Variants in NCS1 observed in about 807,000 individuals in gnomAD.
The protein encoded by NCS1 is frequenin homolog.
A neutral mutation model predicts 28.4 loss-of-function variants in NCS1; 6 were observed. That is an observed-to-expected ratio of 0.21 (90% confidence interval 0.12 to 0.42). The LOEUF is 0.42. Ranked by LOEUF, NCS1 falls within the 10% of genes least tolerant of loss-of-function variation. NCS1 has a pLI of 1.00. For synonymous variants in NCS1, 86 were observed against 99.3 expected (o/e 0.87, Z 0.79); for missense variants, 131 against 241.4 (o/e 0.54, Z 3.03).
At position 130,192,540 on chromosome 9, in the gene NCS1, T is replaced by C. The variant is rs1477683415; in HGVS notation, c.65-8418T>C. On this transcript the variant is annotated intron_variant, in intron 1 of 7. Coordinates refer to ENST00000372398, the MANE Select transcript of NCS1 (RefSeq NM_014286.4). The surrounding 1 kb of genome is among the most constrained non-coding windows in gnomAD (Gnocchi z 4.8). ...GCGTGGGAGCTGGGGGGCCTGGAGG[T>C]CTCAGGAGTTGACCTCTTTCGTGGG... Among the ~76,000 whole-genome samples, 3 of 151,702 alleles carry C rather than the reference T, an allele frequency of 2.0e-5. No homozygotes were observed. Among genetic ancestry groups the C allele is most frequent in the African/African-American group, 7.3e-5 (3 of 41,258 alleles).
rs1564701891 is a variant in NCS1 at position 130,180,042 on chromosome 9, TC to T, written c.64+7316del. Among the ~76,000 whole-genome samples the T allele has an allele frequency of 5.9e-5, 7 of 118,432 alleles. No individual in the cohort carries two copies. The highest frequency in any genetic ancestry group is 8.7e-5 in the Admixed American group (1 of 11,462). The allele number at this position is 118,432 out of a possible 152,430, so 77.7% of individuals were successfully genotyped here. A position where few individuals can be genotyped will look rare whatever the true frequency, so the allele number is the denominator to read the frequency against. On this transcript the variant is annotated intron_variant, in intron 1 of 7. Transcript: ENST00000372398. This position sits in a 1 kb window ranked among gnomAD's most constrained non-coding sequence, Gnocchi z 4.5. ...ATCTATCTATCTATCTATCTATCTA[TC>T]TATCTATCGAGATGGAATCTCACTT... is the stretch of plus-strand genomic sequence containing the variant.
Position 130,181,719 on chromosome 9 carries a change from C to T in NCS1, c.64+8992C>T, listed in dbSNP as rs191610008. 1.4e-3 allele frequency among the ~76,000 whole-genome samples: 206 copies of T among 152,184 alleles called. 1 individual carries two copies. Among genetic ancestry groups the T allele is most frequent in the Non-Finnish European group, 1.2e-3 (79 of 67,980 alleles). ...ATGGAGGTGTGCAGGTGAGCGTGAGCGGGCCCGGGTGCCTGGTGTGGGTGT... is the reference window on the plus strand; with the variant it reads ...ATGGAGGTGTGCAGGTGAGCGTGAGTGGGCCCGGGTGCCTGGTGTGGGTGT... On this transcript the variant is annotated intron_variant, in intron 1 of 7. Coordinates refer to ENST00000372398, the MANE Select transcript of NCS1 (RefSeq NM_014286.4). The surrounding 1 kb of genome is among the most constrained non-coding windows in gnomAD (Gnocchi z 5.0).
At chr9:130,218,003 T>A (rs1370179015) in intron 3 of NCS1, 33 bp downstream of exon 3, 11 of 1,613,602 alleles carry the variant, frequency 6.8e-6, no homozygotes, top group Non-Finnish European at 9.3e-6. Flanking sequence ...CTGCGGCAGC[T>A]GGCTCAGCTC....
In NCS1 at chr9:130,200,506, C is replaced by T. The variant is rs575331236; in HGVS notation, c.65-452C>T. 122 of 1,488,034 alleles carry T rather than the reference C, an allele frequency of 8.2e-5. 1 individual carries two copies. The African/African-American group carries it at 1.2e-3, about 15-fold the overall frequency. 92.2% of individuals were successfully genotyped at this position (1,488,034 alleles called of 1,614,324 possible). On this transcript the variant is annotated intron_variant, in intron 1 of 7. Transcript: ENST00000372398. ...CCTTCTGCTGAGAGCTGCCCCTTTT[C>T]AGCCTAGCTCCCCCCACCCCCCCAC...
At chr9:130,223,663 A>G (rs547124010) in intron 6 of NCS1, among the ~76,000 whole-genome samples, 1 of 152,202 alleles carries the variant, frequency 6.6e-6, no homozygotes, top group East Asian at 1.9e-4. Context: ...TTATGAAAAT[A>G]CCTGTGATCC....
intron 6 of NCS1, 43 bp downstream of exon 6, chr9:130,223,202 G>A (rs1554910864): frequency 1.3e-6 from 2 of 1,578,060 alleles, no homozygotes; most frequent in South Asian, 2.2e-5. Context: ...AGGGAGGCAA[G>A]GTGTCGGGGG....
intron 1 of NCS1, among the ~76,000 whole-genome samples, chr9:130,182,627 G>A (rs575472744): frequency 9.2e-5 from 14 of 152,330 alleles, no homozygotes; most frequent in African/African-American, 3.1e-4. Flanking sequence ...TGGCCTCAAC[G>A]GCTTCCTCAG....
chr9:130,230,947 T>C (rs1160607322), intron 7 of NCS1, among the ~76,000 whole-genome samples: 2 of 152,236 alleles, frequency 1.3e-5, no homozygotes, highest in African/African-American at 4.8e-5. Context: ...TCCTCTGATC[T>C]CTAGTTGCTA....
rs1291108341 is a variant in NCS1 at position 130,212,315 on chromosome 9, G to A, written c.90-5517G>A. ...TCTCAACCTGGGTGGTTCTGCCCCC[G>A]AGGGGATATTTGGCAATGTCTGGAG... On this transcript the variant is annotated intron_variant, in intron 2 of 7. Transcript: ENST00000372398. Among the ~76,000 whole-genome samples the A allele has an allele frequency of 4.6e-5, 7 of 151,980 alleles. No individual in the cohort carries two copies. In the South Asian group the frequency reaches 6.2e-4, roughly 14 times the overall value.
chr9:130,228,998 A>G (rs1405477144), intron 7 of NCS1, among the ~76,000 whole-genome samples: 1 of 151,768 alleles, frequency 6.6e-6, no homozygotes, highest in African/African-American at 2.4e-5. Flanking sequence ...AGCGTCTGTT[A>G]TTATTATTAT....
At chr9:130,178,031 T>A (rs956098688) in intron 1 of NCS1, among the ~76,000 whole-genome samples, 1 of 152,200 alleles carries the variant, frequency 6.6e-6, no homozygotes. Flanking sequence ...TATTTATTTA[T>A]ATTTTTATTT....
Position 130,175,063 on chromosome 9 carries a change from G to A in NCS1, c.64+2336G>A, listed in dbSNP as rs966805787. Among the ~76,000 whole-genome samples the A allele has an allele frequency of 6.6e-6, 1 of 152,030 alleles. No homozygotes were observed. The highest frequency in any genetic ancestry group is 2.4e-5 in the African/African-American group (1 of 41,374). On this transcript the variant is annotated intron_variant, in intron 1 of 7. Transcript: ENST00000372398. This position sits in a 1 kb window ranked among gnomAD's most constrained non-coding sequence, Gnocchi z 4.9. ...TTGGCCTGGGTACTTTTCCTCTGTC[G>A]AAGCCCTTATTAGGGGTGGGCCGTT... is the stretch of plus-strand genomic sequence containing the variant.
intron 2 of NCS1, among the ~76,000 whole-genome samples, chr9:130,202,971 T>C (rs1053077722): frequency 1.3e-5 from 2 of 151,574 alleles, no homozygotes; most frequent in Admixed American, 6.6e-5. Context: ...GAAAGTCCAG[T>C]TGGGAGGTGG....
At chr9:130,201,757 A>G (rs1185958125) in intron 2 of NCS1, among the ~76,000 whole-genome samples, 1 of 152,198 alleles carries the variant, frequency 6.6e-6, no homozygotes, top group African/African-American at 2.4e-5. Flanking sequence ...TCCAAGCTGC[A>G]GATGGGGCAG....
intron 1 of NCS1, among the ~76,000 whole-genome samples, chr9:130,174,221 C>A (rs1233902521): frequency 6.6e-6 from 1 of 152,196 alleles, no homozygotes; most frequent in Non-Finnish European, 1.5e-5. Context: ...GGTGAGGACA[C>A]CGTGGGCTCC....
At chr9:130,178,634 G>A (rs568027262) in intron 1 of NCS1, among the ~76,000 whole-genome samples, 2 of 152,278 alleles carry the variant, frequency 1.3e-5, no homozygotes, top group African/African-American at 4.8e-5. Context: ...GTAGGGAGCC[G>A]TGGAAGGGAG....
At chr9:130,172,773 A>AAC in intron 1 of NCS1, 46 bp downstream of exon 1, 1 of 819,912 alleles carries the variant, frequency 1.2e-6, no homozygotes, top group Admixed American at 4.4e-5. Flanking sequence ...TCACCCCCAC[A>AAC]CCCACCGCCC....
chr9:130,230,980 T>TC (rs781966564), intron 7 of NCS1, among the ~76,000 whole-genome samples: 1 of 152,176 alleles, frequency 6.6e-6, no homozygotes, highest in Non-Finnish European at 1.5e-5. Flanking sequence ...GTTATCTTAC[T>TC]CTTTTTTTTT....
At chr9:130,201,078 G>C in intron 2 of NCS1, 96 bp downstream of exon 2, 1 of 1,537,714 alleles carries the variant, frequency 6.5e-7, no homozygotes, top group Non-Finnish European at 9.0e-7. Flanking sequence ...TGCTCAGGAT[G>C]GGGGCATGTG....
Sources: allele counts gnomAD v4.1 joint callset (sites outside exome capture counted in the v4.1 genomes callset), GRCh38; gene constraint gnomAD v4.1.1; non-coding constraint Gnocchi (gnomAD v3.1); transcripts MANE v1.5; gene names NCBI Gene and HGNC (gene_info 2026-07-23, HGNC 2026-07-21).